SOX6: variants seen among roughly 807,000 people sequenced by gnomAD.
SOX6 encodes SRY-box transcription factor 6, also known as transcription factor SOX-6.
A neutral mutation model predicts 97.8 loss-of-function variants in SOX6; 11 were observed. The observed-to-expected ratio is 0.11, with a 90% CI of 0.07 to 0.19. SOX6 has a LOEUF of 0.19. SOX6 is among the 10% of genes least tolerant of loss of function. The pLI, the probability that SOX6 is intolerant of heterozygous loss-of-function variation, is 1.00. For synonymous variants in SOX6, 360 were observed against 371.4 expected (o/e 0.97, Z 0.35); for missense variants, 810 against 1,039.5 (o/e 0.78, Z 3.04).
At chr11:16,211,376 A>C (rs1852225019) in intron 4 of SOX6, among the ~76,000 whole-genome samples, 1 of 152,128 alleles carries the variant, frequency 6.6e-6, no homozygotes, top group African/African-American at 2.4e-5. Context: ...CTTTTACAAT[A>C]ATCCAAGCAA....
At chr11:16,423,145 A>G (rs193112729) in intron 1 of SOX6, among the ~76,000 whole-genome samples, 1 of 152,188 alleles carries the variant, frequency 6.6e-6, no homozygotes, top group Admixed American at 6.5e-5. Flanking sequence ...TTATTCACCC[A>G]TTTGACTCTC....
chr11:16,009,042 C>T (rs1854637667), intron 13 of SOX6, among the ~76,000 whole-genome samples: 1 of 151,982 alleles, frequency 6.6e-6, no homozygotes, highest in Non-Finnish European at 1.5e-5. Flanking sequence ...TATGGAAAGC[C>T]AGACCCATAT....
At chr11:16,154,032 C>A (rs59412323) in intron 6 of SOX6, among the ~76,000 whole-genome samples, 12,716 of 152,050 alleles carry the variant, frequency 0.084, 1,116 homozygotes, top group East Asian at 0.37. Context: ...AGTAAGATGG[C>A]AATTTATTCC....
chr11:16,238,581 C>T (rs1156269087), intron 3 of SOX6, among the ~76,000 whole-genome samples: 2 of 151,990 alleles, frequency 1.3e-5, no homozygotes, highest in African/African-American at 4.8e-5. Context: ...TCAGACAAAC[C>T]TGCAGCAGTA....
chr11:16,085,314 T>C (rs1241039936), intron 9 of SOX6, among the ~76,000 whole-genome samples: 1 of 151,306 alleles, frequency 6.6e-6, no homozygotes, highest in Admixed American at 6.6e-5. Context: ...TGTTTCTCCT[T>C]TTCTTAAAAA....
chr11:16,417,296 CAT>C (rs1858943867), intron 1 of SOX6, among the ~76,000 whole-genome samples: 1 of 152,244 alleles, frequency 6.6e-6, no homozygotes, highest in African/African-American at 2.4e-5. Flanking sequence ...CAATGGACAG[CAT>C]ATTGTGTTTT....
chr11:16,302,247 A>G (rs892671185), intron 3 of SOX6, among the ~76,000 whole-genome samples: 1 of 152,190 alleles, frequency 6.6e-6, no homozygotes, highest in Non-Finnish European at 1.5e-5. Flanking sequence ...TCATCCTCCT[A>G]CTTAAAAGTT....
rs1019051766 is a variant in SOX6, at chr11:16,318,283, G to T, written c.445+163C>A. 4 of 704,248 alleles carry T rather than the reference G, an allele frequency of 5.7e-6. No homozygotes were observed. In the African/African-American group the frequency reaches 7.2e-5, roughly 13 times the overall value. The allele number at this position is 704,248 out of a possible 1,614,324, so 43.6% of individuals were successfully genotyped here. A position where few individuals can be genotyped will look rare whatever the true frequency, so the allele number is the denominator to read the frequency against. Reference sequence around the variant, plus strand: ...AGCTATCTGTTTAACACTCCTAATGGATCAAAATCTGCCATCACCATAGTA... The same window carrying T: ...AGCTATCTGTTTAACACTCCTAATGTATCAAAATCTGCCATCACCATAGTA... On this transcript the variant is annotated intron_variant, in intron 3 of 15. Coordinates refer to ENST00000683767, the MANE Select transcript of SOX6 (RefSeq NM_001367873.1).
intron 6 of SOX6, among the ~76,000 whole-genome samples, chr11:16,125,900 TA>T (rs1413088670): frequency 6.6e-6 from 1 of 150,950 alleles, no homozygotes; most frequent in African/African-American, 2.4e-5. Context: ...TGAAGTTATT[TA>T]ACTAATTGCC....
At chr11:16,485,771 G>C (rs1016343329) in intron 4 of SOX6, among the ~76,000 whole-genome samples, 1 of 149,994 alleles carries the variant, frequency 6.7e-6, no homozygotes, top group Non-Finnish European at 1.5e-5. Flanking sequence ...GCACACACCT[G>C]TAGTCCCAGC....
chr11:16,132,497 A>AAGC lies in SOX6; in HGVS notation c.778-20575_778-20574insGCT, dbSNP rs1259620154. Reference sequence around the variant, plus strand: ...GAAAGAAAGAAAGAAAGAAAGAAAGAAAGAAAGAAAGCTTATCTTTGTATC... The same window carrying AAGC: ...GAAAGAAAGAAAGAAAGAAAGAAAGAAGCAAGAAAGAAAGCTTATCTTTGTATC... On this transcript the variant is annotated intron_variant, in intron 6 of 15. Transcript: ENST00000683767. 6.4e-3 allele frequency among the ~76,000 whole-genome samples: 626 copies of AAGC among 97,368 alleles called. 41 individuals are homozygous for AAGC. The highest frequency in any genetic ancestry group is 0.01 in the South Asian group (32 of 3,054). 63.9% of individuals were successfully genotyped at this position (97,368 alleles called of 152,430 possible).
At chr11:16,393,059 A>G (rs1858233437) in intron 1 of SOX6, among the ~76,000 whole-genome samples, 1 of 152,026 alleles carries the variant, frequency 6.6e-6, no homozygotes, top group South Asian at 2.1e-4. Flanking sequence ...AACTGCTACA[A>G]AATTATTTTT....
intron 9 of SOX6, among the ~76,000 whole-genome samples, chr11:16,066,890 A>T (rs1245649866): frequency 6.6e-6 from 1 of 152,188 alleles, no homozygotes; most frequent in African/African-American, 2.4e-5. Context: ...CTTTTGCATC[A>T]GTTTGACCTA....
intron 1 of SOX6, among the ~76,000 whole-genome samples, chr11:16,420,372 G>T (rs1335271303): frequency 1.3e-5 from 2 of 152,130 alleles, no homozygotes; most frequent in African/African-American, 2.4e-5. Context: ...GACAACAGCA[G>T]CCGACTACAT....
intron 3 of SOX6, among the ~76,000 whole-genome samples, chr11:16,259,942 A>AAT (rs774548016): frequency 0.15 from 4,564 of 31,142 alleles, 115 homozygotes; most frequent in South Asian, 0.17. Flanking sequence ...CAATGTCCCA[A>AAT]ATATGTGTGT....
At chr11:16,146,770 C>T (rs1850316119) in intron 6 of SOX6, among the ~76,000 whole-genome samples, 1 of 152,100 alleles carries the variant, frequency 6.6e-6, no homozygotes, top group Non-Finnish European at 1.5e-5. Context: ...CATCACTGGC[C>T]ATCAGAGAAA....
chr11:16,513,683 A>C (rs1171277374), intron 4 of SOX6, among the ~76,000 whole-genome samples: 1 of 152,140 alleles, frequency 6.6e-6, no homozygotes, highest in Non-Finnish European at 1.5e-5. Context: ...AAGGGGAAGA[A>C]TCATCTCCGC....
At chr11:16,505,485 C>A (rs1210401616) in intron 4 of SOX6, among the ~76,000 whole-genome samples, 1 of 151,900 alleles carries the variant, frequency 6.6e-6, no homozygotes. Context: ...AAAATGGAAG[C>A]AAAGTGGAAA....
At chr11:16,558,923 C>T (rs1352511095) in intron 4 of SOX6, among the ~76,000 whole-genome samples, 1 of 152,112 alleles carries the variant, frequency 6.6e-6, no homozygotes, top group African/African-American at 2.4e-5. Context: ...TTTTTAGCAT[C>T]GGAAAGCATT....
Sources: allele counts gnomAD v4.1 joint callset (sites outside exome capture counted in the v4.1 genomes callset), GRCh38; gene constraint gnomAD v4.1.1; transcripts MANE v1.5; gene names NCBI Gene and HGNC (gene_info 2026-07-23, HGNC 2026-07-21).